Variants in SPATA13 observed in about 807,000 individuals in gnomAD.
SPATA13 encodes spermatogenesis-associated protein 13.
A neutral mutation model predicts 104.0 loss-of-function variants in SPATA13; 50 were observed. The observed-to-expected ratio is 0.48, with a 90% CI of 0.38 to 0.61. The LOEUF (loss-of-function observed/expected upper bound fraction) is 0.61. SPATA13 is among the 20% of genes least tolerant of loss of function. The probability of loss-of-function intolerance (pLI) is 0.00; values close to 1 mark genes in which losing one functional copy is unlikely to be tolerated. For synonymous variants in SPATA13, 606 were observed against 667.5 expected, an observed-to-expected ratio of 0.91 and a Z score of 1.42; for missense variants, 1,524 against 1,690.6, an observed-to-expected ratio of 0.90 and a Z score of 1.73.
At position 24,133,980 on chromosome 13, in the gene SPATA13, C is replaced by T. The variant is rs534311876; in HGVS notation, c.-111-88839C>T. 7.2e-4 allele frequency among the ~76,000 whole-genome samples: 109 copies of T among 152,242 alleles called. 1 individual carries two copies. Among genetic ancestry groups the T allele is most frequent in the Middle Eastern group, 3.4e-3 (1 of 294 alleles). On this transcript the variant is annotated intron_variant, in intron 3 of 14. Coordinates refer to the SPATA13 transcript ENST00000424834. ...GTCTGAGGAGGGGGCTGGGTCGAGC[C>T]CCTGGGGGAAGGCTCTTTCTGCATG...
At chr13:24,038,613 T>C (rs964835781) in intron 3 of SPATA13, among the ~76,000 whole-genome samples, 1 of 152,182 alleles carries the variant, frequency 6.6e-6, no homozygotes, top group Admixed American at 6.5e-5. Context: ...GCAGGTCTTA[T>C]GTTCTCTGTG....
chr13:24,123,893 G>A (rs1015716308), intron 3 of SPATA13: 4 of 646,886 alleles, frequency 6.2e-6, no homozygotes, highest in Admixed American at 2.5e-5. Context: ...CCTCCACCCA[G>A]AGATCATTGT....
intron 2 of SPATA13, among the ~76,000 whole-genome samples, chr13:24,014,022 T>C (rs1876598019): frequency 6.6e-6 from 1 of 152,178 alleles, no homozygotes; most frequent in South Asian, 2.1e-4. Flanking sequence ...GCAAAGGGGC[T>C]GTATACGCTT....
intron 3 of SPATA13, among the ~76,000 whole-genome samples, chr13:24,093,935 G>T (rs1879987097): frequency 7.1e-6 from 1 of 141,156 alleles, no homozygotes; most frequent in Admixed American, 7.1e-5. Flanking sequence ...TATACCTCAG[G>T]CCTCTCCCCG....
chr13:24,111,709 G>A (rs113376190), intron 3 of SPATA13, among the ~76,000 whole-genome samples: 2,494 of 152,248 alleles, frequency 0.016, 39 homozygotes, highest in Non-Finnish European at 0.024. Flanking sequence ...CCCGGCCTGC[G>A]TCCATATTTT....
intron 1 of SPATA13, among the ~76,000 whole-genome samples, chr13:24,169,075 A>T (rs1167568440): frequency 1.3e-5 from 2 of 152,176 alleles, no homozygotes; most frequent in African/African-American, 2.4e-5. Flanking sequence ...CTTACTAAAG[A>T]GCCTGCTTGT....
rs140547550 is a variant in SPATA13, at chr13:24,262,885, A to G, written c.2164+11023A>G. Among the ~76,000 whole-genome samples, 318 of 152,356 alleles carry G rather than the reference A, an allele frequency of 2.1e-3. 4 individuals carry two copies. Among genetic ancestry groups the G allele is most frequent in the African/African-American group, 7.4e-3 (306 of 41,574 alleles). Reference sequence around the variant, plus strand: ...TAAAGTCCCAGAGCACTTGGAGTCTATATGGAATAATATACTGTTTATTAT... The same window carrying G: ...TAAAGTCCCAGAGCACTTGGAGTCTGTATGGAATAATATACTGTTTATTAT... On this transcript the variant is annotated intron_variant, in intron 4 of 12. Coordinates refer to ENST00000382108, the MANE Select transcript of SPATA13 (RefSeq NM_001166271.3).
At chr13:24,050,265 A>G (rs909927335) in intron 3 of SPATA13, among the ~76,000 whole-genome samples, 2 of 152,242 alleles carry the variant, frequency 1.3e-5, no homozygotes, top group Admixed American at 1.3e-4. Flanking sequence ...ATTAAAAAAT[A>G]GAAAGTTGAT....
intron 4 of SPATA13, among the ~76,000 whole-genome samples, chr13:24,259,235 C>G (rs937206197): frequency 3.3e-5 from 5 of 152,348 alleles, no homozygotes; most frequent in African/African-American, 7.2e-5. Context: ...GGGGGCTCTT[C>G]TTGTGAACAG....
chr13:24,007,988 C>T (rs988178706), intron 2 of SPATA13, among the ~76,000 whole-genome samples: 2 of 152,194 alleles, frequency 1.3e-5, no homozygotes, highest in African/African-American at 2.4e-5. Context: ...TGGAGGCAGG[C>T]GCGGCCCAAA....
Position 24,222,942 on chromosome 13 carries a change from G to T in SPATA13, c.13G>T (p.Ala5Ser). The change falls in exon 2 of 13, where the codon GCC (alanine) becomes TCC (serine). Residue 5 changes from alanine (A) to serine (S), a missense_variant. Coordinates refer to ENST00000382108, the MANE Select transcript of SPATA13 (RefSeq NM_001166271.3). ...AGTGCCCGTGGCCATGACCCAGGCTGCCGTGCGGCCCTGGGCACCCTGCCT... is the reference window on the plus strand; with the variant it reads ...AGTGCCCGTGGCCATGACCCAGGCTTCCGTGCGGCCCTGGGCACCCTGCCT... MTQAAVRPWAPCLEN... is the reference protein window; with the variant it reads MTQASVRPWAPCLEN... 1 of 1,551,086 alleles carries T rather than the reference G, an allele frequency of 6.4e-7. No individual in the cohort carries two copies. The highest frequency in any genetic ancestry group is 8.7e-7 in the Non-Finnish European group (1 of 1,146,702).
At chr13:24,108,826 G>A (rs1458545723) in intron 3 of SPATA13, among the ~76,000 whole-genome samples, 1 of 152,070 alleles carries the variant, frequency 6.6e-6, no homozygotes, top group Non-Finnish European at 1.5e-5. Context: ...AACCTCTTCT[G>A]TGACTACTCT....
intron 3 of SPATA13, among the ~76,000 whole-genome samples, chr13:24,117,549 A>T (rs1206911149): frequency 6.6e-6 from 1 of 152,222 alleles, no homozygotes; most frequent in African/African-American, 2.4e-5. Context: ...GGCAAATTGT[A>T]GACCTTAGGA....
intron 1 of SPATA13, among the ~76,000 whole-genome samples, chr13:24,210,563 G>A (rs538932427): frequency 2.0e-5 from 3 of 152,180 alleles, no homozygotes; most frequent in South Asian, 4.2e-4. Context: ...AGTTGACCGT[G>A]TATGCATGGG....
intron 2 of SPATA13, among the ~76,000 whole-genome samples, chr13:23,988,874 C>T (rs969958960): frequency 6.6e-6 from 1 of 151,998 alleles, no homozygotes; most frequent in Non-Finnish European, 1.5e-5. Context: ...TGAAAAATGT[C>T]CTTTTGTTTG....
At chr13:24,249,017 G>A (rs940727213) in intron 2 of SPATA13, among the ~76,000 whole-genome samples, 2 of 151,906 alleles carry the variant, frequency 1.3e-5, no homozygotes, top group Non-Finnish European at 2.9e-5. Flanking sequence ...CTACAGACAC[G>A]CGCCACCGCG....
rs138282162 is a variant in SPATA13 at position 24,065,979 on chromosome 13, T to C, written c.-112+48278T>C. ...GGAAACCTGAGATTGGTCTGGCCTT[T>C]CTAGGGCTGTTGTAAAGGTTAAATG... On this transcript the variant is annotated intron_variant, in intron 3 of 14. Coordinates refer to the SPATA13 transcript ENST00000424834. Among the ~76,000 whole-genome samples, 114 of 152,378 alleles carry C rather than the reference T, an allele frequency of 7.5e-4. 1 individual carries two copies. The highest frequency in any genetic ancestry group is 2.6e-3 in the African/African-American group (110 of 41,596).
intron 4 of SPATA13, among the ~76,000 whole-genome samples, chr13:24,273,537 A>G (rs1429926613): frequency 6.6e-6 from 1 of 152,228 alleles, no homozygotes; most frequent in African/African-American, 2.4e-5. Flanking sequence ...AACAGTTTAC[A>G]TTCTGGAACA....
intron 3 of SPATA13, among the ~76,000 whole-genome samples, chr13:24,146,961 T>C (rs973197657): frequency 1.3e-5 from 2 of 151,988 alleles, no homozygotes; most frequent in Non-Finnish European, 2.9e-5. Flanking sequence ...ACTATGCCTT[T>C]CACTTAGAAA....
Sources: allele counts gnomAD v4.1 joint callset (sites outside exome capture counted in the v4.1 genomes callset), GRCh38; gene constraint gnomAD v4.1.1; transcripts MANE v1.5; gene names NCBI Gene and HGNC (gene_info 2026-07-23, HGNC 2026-07-21).